Variants in NAALADL2 observed in about 807,000 individuals in gnomAD.
NAALADL2 encodes the protein N-acetylated alpha-linked acidic dipeptidase like 2.
Under a neutral mutation model 87.2 loss-of-function variants are expected in NAALADL2, and 76 were observed. The observed-to-expected ratio is 0.87, with a 90% CI of 0.72 to 1.05. The LOEUF (loss-of-function observed/expected upper bound fraction) is 1.05. Among genes scored for constraint, NAALADL2 ranks in the 50% least tolerant of loss-of-function variants. The pLI, the probability that NAALADL2 is intolerant of heterozygous loss-of-function variation, is 0.00. For missense variants in NAALADL2, 1,089 were observed against 945.8 expected (o/e 1.15, Z -1.99); for synonymous variants, 354 against 331.0 (o/e 1.07, Z -0.75).
At chr3:175,508,546 C>T (rs1249529495) in intron 9 of NAALADL2, among the ~76,000 whole-genome samples, 3 of 152,084 alleles carry the variant, frequency 2.0e-5, no homozygotes, top group Non-Finnish European at 4.4e-5. Flanking sequence ...AACATTCTAC[C>T]ATTTTTGACA....
intron 2 of NAALADL2, among the ~76,000 whole-genome samples, chr3:175,164,497 G>A (rs557147362): frequency 2.6e-4 from 39 of 152,072 alleles, no homozygotes; most frequent in African/African-American, 6.5e-4. Flanking sequence ...TAAAAGTATC[G>A]ATTTTACTAT....
chr3:175,102,875 C>T (rs1286349376), intron 2 of NAALADL2, among the ~76,000 whole-genome samples: 2 of 152,044 alleles, frequency 1.3e-5, no homozygotes, highest in Non-Finnish European at 1.5e-5. Flanking sequence ...TTTGGGAGGA[C>T]AAAGCAGGCA....
At chr3:175,644,031 T>C (rs1729644469) in intron 11 of NAALADL2, among the ~76,000 whole-genome samples, 4 of 152,178 alleles carry the variant, frequency 2.6e-5, no homozygotes, top group Admixed American at 2.6e-4. Flanking sequence ...TTAAGTTATA[T>C]GTCTTACTCT....
At chr3:174,636,447 A>G (rs1722656707) in intron 2 of NAALADL2, among the ~76,000 whole-genome samples, 1 of 152,174 alleles carries the variant, frequency 6.6e-6, no homozygotes, top group African/African-American at 2.4e-5. Flanking sequence ...AAGGAACTCA[A>G]ACAACAGTAA....
intron 3 of NAALADL2, among the ~76,000 whole-genome samples, chr3:174,765,141 C>CGAG (rs1390346777): frequency 3.6e-5 from 4 of 111,674 alleles, no homozygotes; most frequent in South Asian, 2.8e-4. Flanking sequence ...CACACACACA[C>CGAG]ACGAGAGAGA....
At chr3:175,677,178 C>T (rs778336839) in intron 11 of NAALADL2, among the ~76,000 whole-genome samples, 42 of 151,850 alleles carry the variant, frequency 2.8e-4, no homozygotes, top group Admixed American at 4.6e-4. Flanking sequence ...TCCTGGCCAA[C>T]GTGGTGAAAC....
intron 1 of NAALADL2, among the ~76,000 whole-genome samples, chr3:174,891,409 A>C (rs11920107): frequency 0.024 from 3,681 of 152,136 alleles, 129 homozygotes; most frequent in African/African-American, 0.077. Flanking sequence ...AACTGAAGAT[A>C]TAGAAAAAAC....
chr3:175,614,822 T>C (rs1401201194), intron 10 of NAALADL2, among the ~76,000 whole-genome samples: 1 of 152,184 alleles, frequency 6.6e-6, no homozygotes, highest in Non-Finnish European at 1.5e-5. Flanking sequence ...TGAAAATCAA[T>C]TTTTTTAATT....
chr3:174,774,930 G>T (rs1715023955), intron 3 of NAALADL2, among the ~76,000 whole-genome samples: 1 of 152,068 alleles, frequency 6.6e-6, no homozygotes, highest in African/African-American at 2.4e-5. Context: ...TTGGCTGTTG[G>T]TTTTTACTTC....
intron 1 of NAALADL2, among the ~76,000 whole-genome samples, chr3:175,023,456 A>G (rs542952964): frequency 6.6e-6 from 1 of 152,116 alleles, no homozygotes; most frequent in Non-Finnish European, 1.5e-5. Context: ...CGATTGAGAA[A>G]CTAATCTGAG....
chr3:175,051,443 T>A (rs1580198172), intron 1 of NAALADL2, among the ~76,000 whole-genome samples: 1 of 152,158 alleles, frequency 6.6e-6, no homozygotes, highest in Middle Eastern at 3.4e-3. Flanking sequence ...GTGGAGGTGG[T>A]TATTGGCAGG....
rs1297830446 is a variant in NAALADL2, at chr3:175,809,511, T to TAAAAAAAAAAAA, written c.*6325_*6336dup. The TAAAAAAAAAAAA allele has an allele frequency of 3.2e-5, 1 of 31,506 alleles. No homozygotes were observed. Among genetic ancestry groups the TAAAAAAAAAAAA allele is most frequent in the Non-Finnish European group, 5.7e-5 (1 of 17,644 alleles). The allele number at this position is 31,506 out of a possible 1,614,324, so 2.0% of individuals were successfully genotyped here. A position where few individuals can be genotyped will look rare whatever the true frequency, so the allele number is the denominator to read the frequency against. On this transcript the variant is annotated 3_prime_UTR_variant, in exon 14 of 14. Coordinates refer to ENST00000454872, the MANE Select transcript of NAALADL2 (RefSeq NM_207015.3). Reference sequence around the variant, plus strand: ...CAACAAAGTGAGACCCTGTCTCTCTTAAAAAAAAAAAAAAAAAAAAAAAAA... The same window carrying TAAAAAAAAAAAA: ...CAACAAAGTGAGACCCTGTCTCTCTTAAAAAAAAAAAAAAAAAAAAAAAAAAAAAAAAAAAAA...
intron 11 of NAALADL2, among the ~76,000 whole-genome samples, chr3:175,628,145 C>T (rs1430181694): frequency 6.6e-6 from 1 of 151,700 alleles, no homozygotes; most frequent in Non-Finnish European, 1.5e-5. Context: ...AGAAATCCTA[C>T]ATCAAGTACC....
chr3:174,787,594 T>TACATATATATATATATACAC (rs1408085642), intron 3 of NAALADL2, among the ~76,000 whole-genome samples: 1 of 65,916 alleles, frequency 1.5e-5, no homozygotes, highest in African/African-American at 5.3e-5. Flanking sequence ...TATATATATA[T>TACATATATATATATATACAC]ATATATATAT....
At chr3:175,276,146 A>C (rs1476332912) in intron 4 of NAALADL2, among the ~76,000 whole-genome samples, 1 of 151,332 alleles carries the variant, frequency 6.6e-6, no homozygotes, top group Non-Finnish European at 1.5e-5. Flanking sequence ...TGAAGTAAAA[A>C]AAAAATTATG....
At chr3:175,736,533 G>A (rs1408570572) in intron 11 of NAALADL2, among the ~76,000 whole-genome samples, 3 of 152,162 alleles carry the variant, frequency 2.0e-5, no homozygotes, top group African/African-American at 4.8e-5. Flanking sequence ...GAAGAAGGGA[G>A]GAAGACTCCT....
chr3:174,708,107 C>T (rs919687437), intron 2 of NAALADL2, among the ~76,000 whole-genome samples: 9 of 152,042 alleles, frequency 5.9e-5, no homozygotes, highest in Non-Finnish European at 1.3e-4. Flanking sequence ...CAACAATTGC[C>T]ATTTGGAAAG....
At chr3:174,590,182 CA>C (rs1468732270) in intron 2 of NAALADL2, among the ~76,000 whole-genome samples, 2 of 151,400 alleles carry the variant, frequency 1.3e-5, no homozygotes, top group African/African-American at 4.9e-5. Context: ...TTTTTCTGTA[CA>C]GTTATATGCA....
In NAALADL2 at chr3:175,250,406, C is replaced by T. The variant is rs185197370; in HGVS notation, c.820-6005C>T. Among the ~76,000 whole-genome samples the T allele has an allele frequency of 3.3e-5, 5 of 152,108 alleles. No individual in the cohort carries two copies. The East Asian group carries it at 9.7e-4, about 29-fold the overall frequency. ...GATCTTGAATTCTTAGCCTCCATAA[C>T]TCAGATAATAAATTTGTGTTGTTTA... is the stretch of plus-strand genomic sequence containing the variant. On this transcript the variant is annotated intron_variant, in intron 3 of 13. Coordinates refer to ENST00000454872, the MANE Select transcript of NAALADL2 (RefSeq NM_207015.3).
Sources: gnomAD v4.1 joint callset for allele counts (sites outside exome capture counted in the v4.1 genomes callset) on GRCh38, gnomAD v4.1.1 for gene constraint, MANE v1.5 for transcripts, NCBI Gene and HGNC (gene_info 2026-07-23, HGNC 2026-07-21) for gene names.